The following ARHGAP25 variants were observed in gnomAD, a reference collection of about 807,000 sequenced individuals.
ARHGAP25 encodes rho GTPase-activating protein 25.
In ARHGAP25, 34 loss-of-function variants were observed where a neutral mutation model predicts 71.0. The observed-to-expected ratio is 0.48, with a 90% confidence interval of 0.36 to 0.64. ARHGAP25 has a LOEUF of 0.64. Among genes scored for constraint, ARHGAP25 ranks in the 30% least tolerant of loss-of-function variants. ARHGAP25 has a pLI of 0.00. For synonymous variants in ARHGAP25, 282 were observed against 296.5 expected (o/e 0.95, Z 0.50); for missense variants, 706 against 805.1 (o/e 0.88, Z 1.49).
intron 2 of ARHGAP25, among the ~76,000 whole-genome samples, chr2:68,729,700 G>A (rs150614126): frequency 3.1e-4 from 47 of 152,314 alleles, no homozygotes; most frequent in African/African-American, 8.9e-4. Flanking sequence ...AACATAAACC[G>A]TAGAACTTTT....
At chr2:68,748,860 CAA>C (rs1558612273) in intron 1 of ARHGAP25, among the ~76,000 whole-genome samples, 1 of 152,160 alleles carries the variant, frequency 6.6e-6, no homozygotes, top group Non-Finnish European at 1.5e-5. Flanking sequence ...CTCCTATAAT[CAA>C]AGTCTTCTTG....
chr2:68,774,007 A>G (rs558075118), intron 1 of ARHGAP25, among the ~76,000 whole-genome samples: 1 of 152,320 alleles, frequency 6.6e-6, no homozygotes, highest in Non-Finnish European at 1.5e-5. Flanking sequence ...GAAAGGTAGA[A>G]CTAGTCTCCA....
chr2:68,746,710 T>G (rs13010123), intron 1 of ARHGAP25, among the ~76,000 whole-genome samples: 12 of 147,236 alleles, frequency 8.2e-5, no homozygotes, highest in South Asian at 4.3e-4. Context: ...ACCACCCCCC[T>G]CCCCATCCCC....
chr2:68,776,794 C>T (rs755464711), intron 2 of ARHGAP25, among the ~76,000 whole-genome samples: 2 of 152,124 alleles, frequency 1.3e-5, no homozygotes, highest in Non-Finnish European at 2.9e-5. Flanking sequence ...GGATGACAGA[C>T]TCTAGAACCT....
intron 1 of ARHGAP25, among the ~76,000 whole-genome samples, chr2:68,743,816 G>A (rs780225809): frequency 3.3e-5 from 5 of 152,020 alleles, no homozygotes; most frequent in African/African-American, 4.8e-5. Flanking sequence ...CAGGGGGCTC[G>A]TGGGACATGG....
At chr2:68,780,860 A>G (rs1241897196) in intron 2 of ARHGAP25, among the ~76,000 whole-genome samples, 2 of 152,176 alleles carry the variant, frequency 1.3e-5, no homozygotes, top group East Asian at 1.9e-4. Flanking sequence ...AGTCATCTCC[A>G]TCGGTACTTT....
At position 68,766,957 on chromosome 2, in the gene ARHGAP25, A is replaced by G. The variant is rs540713234; in HGVS notation, c.62-8264A>G. Among the ~76,000 whole-genome samples, 13 of 152,348 alleles carry G rather than the reference A, an allele frequency of 8.5e-5. No individual in the cohort carries two copies. The East Asian group carries it at 1.7e-3, about 20-fold the overall frequency. On this transcript the variant is annotated intron_variant, in intron 1 of 10. Transcript: ENST00000409202. Reference sequence around the variant, plus strand: ...TCTTTTCCTTTAGGTTGACATAGTCACTTGTCAAACAATAAAGGGCATTTC... The same window carrying G: ...TCTTTTCCTTTAGGTTGACATAGTCGCTTGTCAAACAATAAAGGGCATTTC...
chr2:68,790,333 G>T (rs1015043778), intron 4 of ARHGAP25, among the ~76,000 whole-genome samples: 3 of 152,188 alleles, frequency 2.0e-5, no homozygotes, highest in African/African-American at 7.2e-5. Flanking sequence ...CGGAATGTGA[G>T]GGCATTTTTA....
intron 1 of ARHGAP25, among the ~76,000 whole-genome samples, chr2:68,752,212 A>T (rs1676220037): frequency 6.6e-6 from 1 of 152,260 alleles, no homozygotes; most frequent in Non-Finnish European, 1.5e-5. Flanking sequence ...ACTGCTATAA[A>T]TAAGGAAAAC....
At chr2:68,790,414 G>T (rs967245434) in intron 4 of ARHGAP25, among the ~76,000 whole-genome samples, 1 of 152,212 alleles carries the variant, frequency 6.6e-6, no homozygotes, top group African/African-American at 2.4e-5. Flanking sequence ...GTAAGTTAGG[G>T]AATGTTGGCC....
intron 9 of ARHGAP25, 170 bp downstream of exon 9, chr2:68,819,489 C>T (rs1681480055): frequency 5.3e-6 from 4 of 749,520 alleles, no homozygotes; most frequent in Middle Eastern, 2.2e-4. Context: ...TGGCCTCTTT[C>T]CAAATCTAGT....
chr2:68,747,433 A>C (rs1372675306), intron 1 of ARHGAP25, among the ~76,000 whole-genome samples: 1 of 152,210 alleles, frequency 6.6e-6, no homozygotes, highest in Non-Finnish European at 1.5e-5. Context: ...TGCAGGGACC[A>C]TCTAAGCATG....
chr2:68,810,916 A>AT (rs780956184), intron 5 of ARHGAP25, among the ~76,000 whole-genome samples: 6 of 151,592 alleles, frequency 4.0e-5, no homozygotes, highest in Non-Finnish European at 8.8e-5. Context: ...CAATTTTTGT[A>AT]TTTTTAGTAG....
chr2:68,715,592 T>C (rs2104249117), intron 2 of ARHGAP25, among the ~76,000 whole-genome samples: 1 of 152,080 alleles, frequency 6.6e-6, no homozygotes, highest in Non-Finnish European at 1.5e-5. Context: ...CCCGTGTAGG[T>C]GAGAGGCATG....
At chr2:68,737,240 TC>T (rs1273143064) in intron 1 of ARHGAP25, among the ~76,000 whole-genome samples, 1 of 152,156 alleles carries the variant, frequency 6.6e-6, no homozygotes, top group Admixed American at 6.5e-5. Flanking sequence ...TCACAGGACT[TC>T]CAGTCCCCTC....
intron 1 of ARHGAP25, chr2:68,774,737 C>T: frequency 9.9e-7 from 1 of 1,009,766 alleles, no homozygotes; most frequent in Non-Finnish European, 1.2e-6. Context: ...CCTCCTCTAG[C>T]CGGCCGCTGT....
intron 5 of ARHGAP25, 32 bp downstream of exon 5, chr2:68,807,512 G>A (rs1680460216): frequency 6.2e-7 from 1 of 1,604,994 alleles, no homozygotes; most frequent in African/African-American, 1.3e-5. Flanking sequence ...TCCCACCTCT[G>A]CCCTCCCCTC....
At chr2:68,765,502 A>G (rs1274013656) in intron 1 of ARHGAP25, among the ~76,000 whole-genome samples, 1 of 152,248 alleles carries the variant, frequency 6.6e-6, no homozygotes, top group South Asian at 2.1e-4. Context: ...ACTGAAGTTC[A>G]ACAGAATATT....
At chr2:68,781,606 G>A (rs181346239) in intron 2 of ARHGAP25, among the ~76,000 whole-genome samples, 252 of 152,272 alleles carry the variant, frequency 1.7e-3, no homozygotes, top group African/African-American at 5.7e-3. Flanking sequence ...ACTGGCTTTG[G>A]ACTGACTTCT....
Sources: gnomAD v4.1 joint callset for allele counts (sites outside exome capture counted in the v4.1 genomes callset) on GRCh38, gnomAD v4.1.1 for gene constraint, MANE v1.5 for transcripts, NCBI Gene and HGNC (gene_info 2026-07-23, HGNC 2026-07-21) for gene names.